The following CNTNAP2 variants were observed in gnomAD, a reference collection of about 807,000 sequenced individuals.
CNTNAP2 encodes the protein contactin-associated protein-like 2.
Under a neutral mutation model 155.2 loss-of-function variants are expected in CNTNAP2, and 98 were observed. The ratio of observed to expected loss-of-function variants is 0.63; its 90% confidence interval spans 0.54 to 0.75. CNTNAP2 has a LOEUF of 0.75. Among genes scored for constraint, CNTNAP2 ranks in the 30% least tolerant of loss-of-function variants. The probability of loss-of-function intolerance (pLI) is 0.00; values close to 1 mark genes in which losing one functional copy is unlikely to be tolerated. For missense variants in CNTNAP2, 1,727 were observed against 1,688.1 expected (o/e 1.02, Z -0.40); for synonymous variants, 651 against 631.2 (o/e 1.03, Z -0.47).
At chr7:146,754,451 A>G (rs1196520632) in intron 1 of CNTNAP2, among the ~76,000 whole-genome samples, 1 of 152,020 alleles carries the variant, frequency 6.6e-6, no homozygotes, top group Non-Finnish European at 1.5e-5. Flanking sequence ...AACATGTGTC[A>G]GCTGACTACC....
intron 8 of CNTNAP2, among the ~76,000 whole-genome samples, chr7:147,197,139 G>A (rs1434665472): frequency 6.6e-6 from 1 of 152,000 alleles, no homozygotes; most frequent in African/African-American, 2.4e-5. Flanking sequence ...TCAGATGATT[G>A]CATAGGAGTA....
At chr7:146,846,779 G>A (rs1168211445) in intron 3 of CNTNAP2, among the ~76,000 whole-genome samples, 5 of 151,886 alleles carry the variant, frequency 3.3e-5, no homozygotes, top group Non-Finnish European at 7.4e-5. Context: ...ATATATTATT[G>A]GCATATATTA....
intron 9 of CNTNAP2, among the ~76,000 whole-genome samples, chr7:147,371,887 T>C (rs1216122971): frequency 1.3e-5 from 2 of 152,106 alleles, no homozygotes; most frequent in East Asian, 3.9e-4. Flanking sequence ...TAAATACATA[T>C]GGAGGAAATG....
chr7:147,816,479 A>G (rs1712361063), intron 13 of CNTNAP2, among the ~76,000 whole-genome samples: 2 of 152,166 alleles, frequency 1.3e-5, no homozygotes, highest in South Asian at 2.1e-4. Context: ...AATGTAGGGT[A>G]AAAAAGAGGA....
chr7:146,318,008 G>A (rs1800938279), intron 1 of CNTNAP2, among the ~76,000 whole-genome samples: 1 of 152,052 alleles, frequency 6.6e-6, no homozygotes, highest in Non-Finnish European at 1.5e-5. Context: ...AGGTGTGGTG[G>A]CACGCACTTG....
intron 1 of CNTNAP2, among the ~76,000 whole-genome samples, chr7:146,395,311 G>C (rs1795603798): frequency 6.6e-6 from 1 of 152,122 alleles, no homozygotes; most frequent in African/African-American, 2.4e-5. Flanking sequence ...CAAACCCAGG[G>C]AGTCCAATGC....
intron 1 of CNTNAP2, among the ~76,000 whole-genome samples, chr7:146,534,341 C>T (rs147875415): frequency 6.6e-6 from 1 of 152,102 alleles, no homozygotes; most frequent in African/African-American, 2.4e-5. Context: ...AGAAACCTCC[C>T]ATACTCCTGA....
chr7:146,559,279 T>C (rs577422998), intron 1 of CNTNAP2, among the ~76,000 whole-genome samples: 111 of 152,196 alleles, frequency 7.3e-4, no homozygotes, highest in African/African-American at 2.6e-3. Context: ...ATTAAAATAA[T>C]ATTAATTTGG....
At chr7:147,861,306 A>G (rs1247907966) in intron 13 of CNTNAP2, among the ~76,000 whole-genome samples, 4 of 152,236 alleles carry the variant, frequency 2.6e-5, no homozygotes, top group African/African-American at 9.6e-5. Context: ...TCCACTGTGT[A>G]TGAATCATTA....
At chr7:147,298,027 A>G (rs1794870876) in intron 8 of CNTNAP2, among the ~76,000 whole-genome samples, 1 of 152,212 alleles carries the variant, frequency 6.6e-6, no homozygotes, top group Admixed American at 6.5e-5. Context: ...TATTATGCAT[A>G]CTATTTATAC....
chr7:147,423,281 CTTAA>C (rs149300393), intron 10 of CNTNAP2, among the ~76,000 whole-genome samples: 18,790 of 152,014 alleles, frequency 0.12, 1,406 homozygotes, highest in East Asian at 0.31. Flanking sequence ...ATAGGTGTCT[CTTAA>C]TTAAGTTAGG....
chr7:146,738,349 T>G (rs537358679), intron 1 of CNTNAP2, among the ~76,000 whole-genome samples: 1 of 152,192 alleles, frequency 6.6e-6, no homozygotes, highest in Admixed American at 6.5e-5. Context: ...TGCCCATTTT[T>G]AAATCAGGCT....
At chr7:148,255,268 C>T (rs745746883) in intron 20 of CNTNAP2, among the ~76,000 whole-genome samples, 5 of 152,166 alleles carry the variant, frequency 3.3e-5, no homozygotes, top group Non-Finnish European at 7.4e-5. Context: ...TGTTTTCTGA[C>T]CAGATTCTCT....
intron 4 of CNTNAP2, among the ~76,000 whole-genome samples, chr7:147,066,150 C>A (rs1799776047): frequency 6.6e-6 from 1 of 152,120 alleles, no homozygotes; most frequent in African/African-American, 2.4e-5. Flanking sequence ...TCACACTGAC[C>A]TATTATTTAA....
At chr7:148,137,684 GGAA>G (rs1804985432) in intron 16 of CNTNAP2, among the ~76,000 whole-genome samples, 2 of 102,148 alleles carry the variant, frequency 2.0e-5, no homozygotes, top group Admixed American at 9.1e-5. Context: ...AAGGAAGGAA[GGAA>G]GGAAGGAAGG....
chr7:148,148,989 A>G (rs1805247398), intron 17 of CNTNAP2, among the ~76,000 whole-genome samples: 1 of 152,208 alleles, frequency 6.6e-6, no homozygotes, highest in South Asian at 2.1e-4. Flanking sequence ...TATCAGGTCC[A>G]TTGATCCCTG....
At chr7:147,268,694 G>A (rs1275319194) in intron 8 of CNTNAP2, among the ~76,000 whole-genome samples, 4 of 152,132 alleles carry the variant, frequency 2.6e-5, no homozygotes, top group Non-Finnish European at 5.9e-5. Flanking sequence ...GATAGCATTA[G>A]GGATGTCAGA....
intron 10 of CNTNAP2, among the ~76,000 whole-genome samples, chr7:147,443,987 TCCTATGCA>T (rs1011182788): frequency 6.6e-6 from 1 of 152,212 alleles, no homozygotes; most frequent in African/African-American, 2.4e-5. Flanking sequence ...GATCTCAGTC[TCCTATGCA>T]CCATTCACAT....
At chr7:147,169,321 GGT>G (rs1239672886) in intron 8 of CNTNAP2, among the ~76,000 whole-genome samples, 3 of 152,098 alleles carry the variant, frequency 2.0e-5, no homozygotes, top group Non-Finnish European at 2.9e-5. Flanking sequence ...TACAAGCACA[GGT>G]TTGTTAAATG....
Sources: gnomAD v4.1 joint callset for allele counts (sites outside exome capture counted in the v4.1 genomes callset) on GRCh38, gnomAD v4.1.1 for gene constraint, MANE v1.5 for transcripts, NCBI Gene and HGNC (gene_info 2026-07-23, HGNC 2026-07-21) for gene names.